CSMD2: variants seen among roughly 807,000 people sequenced by gnomAD.
CSMD2 encodes the protein CUB and sushi domain-containing protein 2.
Under a neutral mutation model 398.5 loss-of-function variants are expected in CSMD2, and 130 were observed. That is an observed-to-expected ratio of 0.33 (90% CI 0.28 to 0.38). CSMD2 has a LOEUF of 0.38. Ranked by LOEUF, CSMD2 falls within the 10% of genes least tolerant of loss-of-function variation. The pLI is 1.00. For synonymous variants in CSMD2, 1,828 were observed against 1,908.5 expected (o/e 0.96, Z 1.10); for missense variants, 3,829 against 4,764.9 (o/e 0.80, Z 5.78).
At chr1:33,821,664 C>A (rs1658173051) in intron 7 of CSMD2, among the ~76,000 whole-genome samples, 1 of 152,224 alleles carries the variant, frequency 6.6e-6, no homozygotes, top group South Asian at 2.1e-4. Flanking sequence ...TGAGCACCTA[C>A]TGTGTACAAG....
chr1:33,734,053 G>A (rs1646805327), intron 15 of CSMD2, among the ~76,000 whole-genome samples: 1 of 152,210 alleles, frequency 6.6e-6, no homozygotes, highest in Non-Finnish European at 1.5e-5. Context: ...AAGATTAAAT[G>A]AGAGATTGCT....
At position 33,524,945 on chromosome 1, in the gene CSMD2, C is replaced by T; in HGVS notation, c.10333G>A (p.Val3445Ile). The change falls in exon 66 of 71, where the codon GTT (valine) becomes ATT (isoleucine). Residue 3445 changes from valine to isoleucine, a missense_variant. Transcript: ENST00000373381. ...PAMLRVTGFQ[V>I]ANSKVNATMI... The stretch of plus-strand genomic sequence containing the variant: ...GTGGCATTGACCTTGCTGTTGGCAA[C>T]TTGGAAGCCAGTCACTCTGAGCATG... 6.2e-7 allele frequency: 1 copy of T among 1,614,258 alleles called. No individual in the cohort carries two copies. The highest frequency in any genetic ancestry group is 8.5e-7 in the Non-Finnish European group (1 of 1,180,042).
chr1:33,617,472 C>T (rs749309575), intron 38 of CSMD2, 27 bp downstream of exon 38: 2 of 1,554,436 alleles, frequency 1.3e-6, no homozygotes, highest in Admixed American at 1.7e-5. Context: ...ACACCTGTTT[C>T]CTGCTCTAGG....
At position 33,603,813 on chromosome 1, in the gene CSMD2, G is replaced by A. The variant is rs16835658; in HGVS notation, c.6533-1267C>T. On this transcript the variant is annotated intron_variant, in intron 42 of 70. Transcript: ENST00000373381. ...ATTCATATTTATACTCAGACCTAAGGGATGACTAGGGTTAAGTAGGCAAGG... is the reference window on the plus strand; with the variant it reads ...ATTCATATTTATACTCAGACCTAAGAGATGACTAGGGTTAAGTAGGCAAGG... 4.7e-3 allele frequency among the ~76,000 whole-genome samples: 722 copies of A among 152,298 alleles called. 8 individuals are homozygous for A. Among genetic ancestry groups the A allele is most frequent in the African/African-American group, 0.016 (674 of 41,546 alleles).
At chr1:33,643,089 G>A (rs941710038) in intron 29 of CSMD2, among the ~76,000 whole-genome samples, 1 of 152,146 alleles carries the variant, frequency 6.6e-6, no homozygotes, top group African/African-American at 2.4e-5. Context: ...CAGAGCCCTG[G>A]ATCTCTCTAA....
intron 39 of CSMD2, 33 bp from the exon 40 acceptor site, chr1:33,614,653 C>T (rs1488747309): frequency 1.5e-6 from 2 of 1,304,264 alleles, no homozygotes; most frequent in Admixed American, 3.4e-5. Context: ...AGGGTCAGGA[C>T]AACATCAAGG....
At position 34,117,985 on chromosome 1, in the gene CSMD2, A is replaced by AGGTG. The variant is rs570607807; in HGVS notation, c.188-28796_188-28793dup. 9.7e-3 allele frequency among the ~76,000 whole-genome samples: 1,471 copies of AGGTG among 152,272 alleles called. 21 individuals are homozygous for AGGTG. The highest frequency in any genetic ancestry group is 0.034 in the African/African-American group (1,415 of 41,544). Reference sequence around the variant, plus strand: ...TTCCAGCACTTTGGGAAGCTGAGGCAGGTGGATCACCTGAGGTCAGGAGTT... The same window carrying AGGTG: ...TTCCAGCACTTTGGGAAGCTGAGGCAGGTGGGTGGATCACCTGAGGTCAGGAGTT... On this transcript the variant is annotated intron_variant, in intron 1 of 70. Coordinates refer to ENST00000373381, the MANE Select transcript of CSMD2 (RefSeq NM_001281956.2).
intron 2 of CSMD2, among the ~76,000 whole-genome samples, chr1:34,088,355 G>A (rs1658159402): frequency 6.6e-6 from 1 of 152,172 alleles, no homozygotes; most frequent in Non-Finnish European, 1.5e-5. Context: ...CTTTGCCCCA[G>A]AAAAGTCTGC....
intron 3 of CSMD2, among the ~76,000 whole-genome samples, chr1:33,974,623 C>A (rs114145639): frequency 0.011 from 1,750 of 152,306 alleles, 29 homozygotes; most frequent in African/African-American, 0.04. Flanking sequence ...AGGTGCTTTG[C>A]TTGCATGGAA....
intron 10 of CSMD2, among the ~76,000 whole-genome samples, chr1:33,803,163 C>T (rs772842335): frequency 1.1e-4 from 16 of 152,172 alleles, no homozygotes; most frequent in African/African-American, 2.2e-4. Context: ...ATTCTCCTCC[C>T]GCCTCTCAGA....
At chr1:33,830,782 A>G (rs1161900703) in intron 6 of CSMD2, among the ~76,000 whole-genome samples, 1 of 152,180 alleles carries the variant, frequency 6.6e-6, no homozygotes, top group African/African-American at 2.4e-5. Context: ...AGAAGAATGT[A>G]TAACTAGAAT....
chr1:33,598,853 T>TAG, intron 44 of CSMD2: 1 of 152,362 alleles, frequency 6.6e-6, no homozygotes, highest in Non-Finnish European at 1.5e-5. Context: ...GTATTTTTAG[T>TAG]AGAGACAGGG....
At chr1:34,072,058 C>T (rs149547918) in intron 2 of CSMD2, among the ~76,000 whole-genome samples, 1 of 152,218 alleles carries the variant, frequency 6.6e-6, no homozygotes, top group Non-Finnish European at 1.5e-5. Context: ...ACCCAGCTCT[C>T]CATGCCCCTG....
At chr1:33,597,274 T>C (rs1173282009) in intron 44 of CSMD2, among the ~76,000 whole-genome samples, 4 of 152,230 alleles carry the variant, frequency 2.6e-5, no homozygotes, top group Non-Finnish European at 5.9e-5. Flanking sequence ...AGCTCCTTTT[T>C]TTTTCTTTAG....
At chr1:34,015,081 T>C (rs1042078206) in intron 3 of CSMD2, among the ~76,000 whole-genome samples, 7 of 152,236 alleles carry the variant, frequency 4.6e-5, no homozygotes, top group Admixed American at 6.5e-5. Flanking sequence ...TCCTGTATCT[T>C]ACCCCTCATT....
At chr1:33,711,531 G>A (rs554399473) in intron 21 of CSMD2, among the ~76,000 whole-genome samples, 1 of 152,306 alleles carries the variant, frequency 6.6e-6, no homozygotes, top group South Asian at 2.1e-4. Context: ...TGTCCCAGGT[G>A]AATCTACATG....
Position 33,636,293 on chromosome 1 carries a change from A to C in CSMD2, c.4969+67T>G, listed in dbSNP as rs373632199. On this transcript the variant is annotated intron_variant, in intron 30 of 70. Transcript: ENST00000373381. The surrounding 1 kb of genome is among the most constrained non-coding windows in gnomAD (Gnocchi z 4.8). ...CTTGCCCCCCTCCCTTCCCCAGCCC[A>C]CAGCACCCTCTGCCCCTGGCATGCC... 1.4e-6 allele frequency: 2 copies of C among 1,468,146 alleles called. No individual in the cohort carries two copies. The highest frequency in any genetic ancestry group is 1.8e-6 in the Non-Finnish European group (2 of 1,088,304). The allele number at this position is 1,468,146 out of a possible 1,614,324, so 90.9% of individuals were successfully genotyped here.
intron 7 of CSMD2, among the ~76,000 whole-genome samples, chr1:33,823,147 C>T (rs1033254029): frequency 6.6e-6 from 1 of 152,216 alleles, no homozygotes; most frequent in Non-Finnish European, 1.5e-5. Flanking sequence ...CCCTGACAGA[C>T]AGAGCAGACC....
chr1:34,011,889 C>G (rs909068743), intron 3 of CSMD2, among the ~76,000 whole-genome samples: 1 of 152,118 alleles, frequency 6.6e-6, no homozygotes, highest in Admixed American at 6.5e-5. Flanking sequence ...CCCTTCCCAG[C>G]CTCTGGTAAC....
Sources: allele counts gnomAD v4.1 joint callset (sites outside exome capture counted in the v4.1 genomes callset), GRCh38; gene constraint gnomAD v4.1.1; non-coding constraint Gnocchi (gnomAD v3.1); transcripts MANE v1.5; gene names NCBI Gene and HGNC (gene_info 2026-07-23, HGNC 2026-07-21).